The following MEOX2 variants were observed in gnomAD, a reference collection of about 807,000 sequenced individuals.
MEOX2 encodes the protein mesenchyme homeobox 2, also known as homeobox protein MOX-2.
MEOX2 carries 11 observed loss-of-function variants against 27.0 expected under a neutral mutation model. The observed-to-expected ratio is 0.41, with a 90% confidence interval of 0.26 to 0.68. The LOEUF (loss-of-function observed/expected upper bound fraction) is 0.68. Ranked by LOEUF, MEOX2 falls within the 30% of genes least tolerant of loss-of-function variation. The probability of loss-of-function intolerance (pLI) is 0.33; values close to 1 mark genes in which losing one functional copy is unlikely to be tolerated. For missense variants in MEOX2, 436 were observed against 385.4 expected (o/e 1.13, Z -1.10); for synonymous variants, 189 against 155.4 (o/e 1.22, Z -1.61).
chr7:15,640,105 C>T (rs539177395), intron 1 of MEOX2, among the ~76,000 whole-genome samples: 11 of 152,212 alleles, frequency 7.2e-5, no homozygotes, highest in African/African-American at 2.6e-4. Flanking sequence ...TTGATTCTTC[C>T]TATCCATGGG....
At chr7:15,657,250 T>C (rs1305780965) in intron 1 of MEOX2, among the ~76,000 whole-genome samples, 2 of 152,138 alleles carry the variant, frequency 1.3e-5, no homozygotes, top group Non-Finnish European at 2.9e-5. Context: ...TTTGGAAAAT[T>C]TCAGCCATTA....
chr7:15,623,294 T>C (rs1781248283), intron 2 of MEOX2, among the ~76,000 whole-genome samples: 1 of 152,200 alleles, frequency 6.6e-6, no homozygotes, highest in South Asian at 2.1e-4. Flanking sequence ...TCATAGTATA[T>C]TTTTTCTGAT....
intron 2 of MEOX2, among the ~76,000 whole-genome samples, chr7:15,615,309 A>T (rs550136225): frequency 1.3e-5 from 2 of 152,168 alleles, no homozygotes; most frequent in South Asian, 2.1e-4. Context: ...TGGTGCCAGG[A>T]TTTAAACGTG....
chr7:15,634,047 G>C (rs1781446648), intron 1 of MEOX2, among the ~76,000 whole-genome samples: 1 of 151,836 alleles, frequency 6.6e-6, no homozygotes, highest in South Asian at 2.1e-4. Flanking sequence ...GACAAGTAAT[G>C]TTATCTTCAT....
intron 2 of MEOX2, among the ~76,000 whole-genome samples, chr7:15,623,804 T>A (rs896389295): frequency 6.6e-6 from 1 of 152,240 alleles, no homozygotes; most frequent in Non-Finnish European, 1.5e-5. Flanking sequence ...ATCATTCCTC[T>A]CCTGTGACAT....
chr7:15,633,854 C>G (rs1383239652), intron 1 of MEOX2, among the ~76,000 whole-genome samples: 2 of 151,828 alleles, frequency 1.3e-5, no homozygotes, highest in Non-Finnish European at 2.9e-5. Flanking sequence ...ACCTACTATT[C>G]TGCTGTATCT....
intron 1 of MEOX2, among the ~76,000 whole-genome samples, chr7:15,660,540 C>A (rs905014177): frequency 6.6e-6 from 1 of 152,076 alleles, no homozygotes; most frequent in Admixed American, 6.6e-5. Flanking sequence ...GGTCCCTAAT[C>A]ACTAGATGCC....
intron 2 of MEOX2, among the ~76,000 whole-genome samples, chr7:15,614,271 G>T (rs931731017): frequency 6.7e-6 from 1 of 148,604 alleles, no homozygotes; most frequent in African/African-American, 2.4e-5. Context: ...AAATTAGGTG[G>T]GTGGGATGGC....
intron 1 of MEOX2, among the ~76,000 whole-genome samples, chr7:15,673,790 GACTA>G (rs549632938): frequency 4.6e-5 from 7 of 152,172 alleles, no homozygotes; most frequent in East Asian, 1.9e-4. Context: ...GGGGATTCTT[GACTA>G]ACTAAGAGAT....
intron 1 of MEOX2, among the ~76,000 whole-genome samples, 174 bp from the exon 2 acceptor site, chr7:15,627,092 A>G (rs1781321886): frequency 6.6e-6 from 1 of 151,828 alleles, no homozygotes; most frequent in South Asian, 2.1e-4. Flanking sequence ...TATAATTCTT[A>G]TTTTTTTCAT....
chr7:15,619,318 C>G (rs1043785156), intron 2 of MEOX2, among the ~76,000 whole-genome samples: 6 of 151,880 alleles, frequency 4.0e-5, no homozygotes. Context: ...TAGCAGAAGT[C>G]TCTTTCTTTA....
rs929086905 is a variant in MEOX2, at chr7:15,611,600, T to G, written c.*787A>C. 3 of 152,586 alleles carry G rather than the reference T, an allele frequency of 2.0e-5. No individual in the cohort carries two copies. The highest frequency in any genetic ancestry group is 2.0e-4 in the Admixed American group (3 of 15,270). 9.5% of individuals were successfully genotyped at this position (152,586 alleles called of 1,614,324 possible). A position where few individuals can be genotyped will look rare whatever the true frequency, so the allele number is the denominator to read the frequency against. On this transcript the variant is annotated 3_prime_UTR_variant, in exon 3 of 3. Coordinates refer to ENST00000262041, the MANE Select transcript of MEOX2 (RefSeq NM_005924.5). ...TTTTATAATAACGTATTAGCAGCAG[T>G]TGATAGTAAATGCAACATAAGATTT...
At chr7:15,630,488 G>A (rs890951524) in intron 1 of MEOX2, among the ~76,000 whole-genome samples, 2 of 152,008 alleles carry the variant, frequency 1.3e-5, no homozygotes, top group East Asian at 1.9e-4. Context: ...CTGGGTAAAC[G>A]TATTAGCTCG....
At chr7:15,662,872 T>A (rs1781939091) in intron 1 of MEOX2, among the ~76,000 whole-genome samples, 1 of 152,158 alleles carries the variant, frequency 6.6e-6, no homozygotes, top group Non-Finnish European at 1.5e-5. Flanking sequence ...AATCAATGAT[T>A]CCCATGATTA....
chr7:15,641,681 C>T (rs1406116651), intron 1 of MEOX2, among the ~76,000 whole-genome samples: 1 of 151,978 alleles, frequency 6.6e-6, no homozygotes, highest in Non-Finnish European at 1.5e-5. Context: ...GCTTTGTAGT[C>T]CCAATTGTGT....
chr7:15,612,513 T>C lies in MEOX2; in HGVS notation c.789A>G (p.Lys263=). ...GCTCTGATGGGAGAAGTGTTCCCTT[T>C]TTCACATTCACCAGTTCCTTTTCCC... ...AAREKELVNV[K]KGTLLPSELS... The change falls in exon 3 of 3, where the codon AAA becomes AAG. Residue 263 remains lysine (K), a synonymous_variant. Coordinates refer to ENST00000262041, the MANE Select transcript of MEOX2 (RefSeq NM_005924.5). The C allele has an allele frequency of 1.2e-6, 2 of 1,614,198 alleles. No individual in the cohort carries two copies.
intron 1 of MEOX2, among the ~76,000 whole-genome samples, chr7:15,643,773 A>G (rs904487014): frequency 2.8e-4 from 42 of 152,172 alleles, no homozygotes; most frequent in African/African-American, 8.4e-4. Context: ...GTTTTCTAAC[A>G]ATGGGGGCTC....
chr7:15,661,012 CAAAAAAAAAAAA>C lies in MEOX2; in HGVS notation c.517+24862_517+24873del, dbSNP rs71004402. ...TTGGCAACAGAGCGAGACTCAGTCTCAAAAAAAAAAAAAAAAAAAAAAAAAAAAAGAGAAAGA... is the reference window on the plus strand; with the variant it reads ...TTGGCAACAGAGCGAGACTCAGTCTCAAAAAAAAAAAAAAAAAGAGAAAGA... On this transcript the variant is annotated intron_variant, in intron 1 of 2. Coordinates refer to ENST00000262041, the MANE Select transcript of MEOX2 (RefSeq NM_005924.5). 3.6e-4 allele frequency among the ~76,000 whole-genome samples: 16 copies of C among 44,340 alleles called. No individual in the cohort carries two copies. In the South Asian group the frequency reaches 0.016, roughly 45 times the overall value. The allele number at this position is 44,340 out of a possible 152,430, so 29.1% of individuals were successfully genotyped here.
At chr7:15,643,950 A>G (rs1017914875) in intron 1 of MEOX2, among the ~76,000 whole-genome samples, 1 of 152,208 alleles carries the variant, frequency 6.6e-6, no homozygotes, top group Non-Finnish European at 1.5e-5. Flanking sequence ...CAACAAAACA[A>G]GACAATGCTG....
Sources: gnomAD v4.1 joint callset for allele counts (sites outside exome capture counted in the v4.1 genomes callset) on GRCh38, gnomAD v4.1.1 for gene constraint, MANE v1.5 for transcripts, NCBI Gene and HGNC (gene_info 2026-07-23, HGNC 2026-07-21) for gene names.